IGLL1: variants seen among roughly 807,000 people sequenced by gnomAD.
IGLL1 encodes the protein immunoglobulin lambda-like polypeptide 1.
In IGLL1, 10 loss-of-function variants were observed where a neutral mutation model predicts 10.5. The observed-to-expected ratio is 0.95, with a 90% confidence interval of 0.59 to 1.62. The LOEUF is 1.62. Ranked by LOEUF, IGLL1 falls within the 40% of genes most tolerant of loss-of-function variation. The pLI is 0.00. For missense variants in IGLL1, 284 were observed against 278.7 expected (o/e 1.02, Z -0.14); for synonymous variants, 141 against 122.7 (o/e 1.15, Z -0.99).
At chr22:23,579,317 C>T (rs1199779947) in intron 1 of IGLL1, among the ~76,000 whole-genome samples, 7 of 152,148 alleles carry the variant, frequency 4.6e-5, no homozygotes, top group Non-Finnish European at 1.0e-4. Context: ...CTGGGGACCT[C>T]CCACCACACG....
At position 23,573,543 on chromosome 22, in the gene IGLL1, G is replaced by A; in HGVS notation, c.365C>T (p.Ser122Phe). 1.9e-6 allele frequency: 3 copies of A among 1,613,948 alleles called. No individual in the cohort carries two copies. The highest frequency in any genetic ancestry group is 1.7e-4 in the Middle Eastern group (1 of 6,052). The stretch of plus-strand genomic sequence containing the variant: ...CTTGTTGGCTTGGAGCTCCTCAGAG[G>A]ACGGCGGGAACAGAGTGACCGAGGG... ...ATPSVTLFPP[S>F]SEELQANKAT... The change falls in exon 3 of 3, where the codon TCC becomes TTC. Residue 122 changes from serine to phenylalanine, a missense_variant. Coordinates refer to ENST00000330377, the MANE Select transcript of IGLL1 (RefSeq NM_020070.4).
At position 23,573,476 on chromosome 22, in the gene IGLL1, G is replaced by C; in HGVS notation, c.432C>G (p.Ile144Met). ...VCLMNDFYPG[I>M]LTVTWKADGT... is the part of the protein sequence containing the mutation. The stretch of plus-strand genomic sequence containing the variant: ...CATCTGCCTTCCAGGTCACCGTCAA[G>C]ATTCCCGGATAAAAGTCATTCATGA... Residue 144 changes from isoleucine (I) to methionine (M), a missense_variant, in exon 3 of 3, where the codon ATC becomes ATG. Transcript: ENST00000330377. 1.9e-6 allele frequency: 3 copies of C among 1,613,954 alleles called. No individual in the cohort carries two copies. The highest frequency in any genetic ancestry group is 2.5e-6 in the Non-Finnish European group (3 of 1,179,838).
intron 2 of IGLL1, among the ~76,000 whole-genome samples, chr22:23,574,704 G>A (rs1359811222): frequency 6.6e-6 from 1 of 152,136 alleles, no homozygotes; most frequent in Non-Finnish European, 1.5e-5. Context: ...GAGAGGGGAG[G>A]AGCCCTGACC....
intron 1 of IGLL1, among the ~76,000 whole-genome samples, chr22:23,579,651 G>A (rs115163180): frequency 0.014 from 2,203 of 151,996 alleles, 18 homozygotes; most frequent in African/African-American, 0.023. Context: ...CAGGGATAGC[G>A]GCCACCACTC....
intron 1 of IGLL1, 128 bp downstream of exon 1, chr22:23,579,857 T>C (rs2123705234): frequency 1.5e-6 from 1 of 666,776 alleles, no homozygotes; most frequent in East Asian, 2.8e-5. Context: ...TTAGTTAAAG[T>C]CAGTGTCTGT....
At chr22:23,579,288 C>T (rs774921007) in intron 1 of IGLL1, among the ~76,000 whole-genome samples, 2 of 152,114 alleles carry the variant, frequency 1.3e-5, no homozygotes, top group Non-Finnish European at 2.9e-5. Flanking sequence ...TAAATGGACC[C>T]CGATGCTTGG....
rs1924866542 is a variant in IGLL1 at position 23,573,285 on chromosome 22, G to A, written c.623C>T (p.Ala208Val). The change falls in exon 3 of 3, where the codon GCC (alanine) becomes GTC (valine). Residue 208 changes from alanine (A) to valine (V), a missense_variant. By Grantham distance (64) the Ala-to-Val change is moderately conservative (BLOSUM62 0). Transcript: ENST00000330377. ...GGGAACCTATGAACATTCTGCAGGG[G>A]CCACCGTCTTCTCCACGGTGCTCCC... ...HEGSTVEKTV[A>V]PAECS 16 of 1,614,026 alleles carry A rather than the reference G, an allele frequency of 9.9e-6. No homozygotes were observed. The highest frequency in any genetic ancestry group is 8.5e-6 in the Non-Finnish European group (10 of 1,179,964).
At chr22:23,576,082 T>C (rs1370012103) in intron 1 of IGLL1, among the ~76,000 whole-genome samples, 1 of 152,086 alleles carries the variant, frequency 6.6e-6, no homozygotes, top group Non-Finnish European at 1.5e-5. Flanking sequence ...CCCAGTGGGC[T>C]ACCCAACAGG....
chr22:23,573,648 C>T, intron 2 of IGLL1, 63 bp from the exon 3 acceptor site: 1 of 1,309,886 alleles, frequency 7.6e-7, no homozygotes, highest in South Asian at 1.2e-5. Flanking sequence ...TGGAGCGCCT[C>T]TCTCTGTCTA....
In IGLL1 at chr22:23,574,081, C is replaced by T. The variant is rs372598519; in HGVS notation, c.323-496G>A. Among the ~76,000 whole-genome samples, 24 of 151,222 alleles carry T rather than the reference C, an allele frequency of 1.6e-4. No homozygotes were observed. In the East Asian group the frequency reaches 2.5e-3, roughly 16 times the overall value. On this transcript the variant is annotated intron_variant, in intron 2 of 2. Coordinates refer to ENST00000330377, the MANE Select transcript of IGLL1 (RefSeq NM_020070.4). ...ACCCAGACACACCCTGGGGCTCTGC[C>T]GTCGCCCCTGTCCCCACCAGCCCGA...
At chr22:23,576,600 T>G (rs1252047606) in intron 1 of IGLL1, among the ~76,000 whole-genome samples, 3 of 152,010 alleles carry the variant, frequency 2.0e-5, no homozygotes, top group Non-Finnish European at 4.4e-5. Flanking sequence ...TTGGCTAATT[T>G]TTTGTATTTT....
intron 1 of IGLL1, among the ~76,000 whole-genome samples, chr22:23,576,320 C>T (rs530757745): frequency 1.4e-5 from 2 of 140,952 alleles, no homozygotes; most frequent in Admixed American, 7.1e-5. Context: ...GCTCTGTTGC[C>T]CAGGCTGGAG....
intron 1 of IGLL1, 119 bp downstream of exon 1, chr22:23,579,866 G>C: frequency 6.8e-6 from 5 of 735,962 alleles, no homozygotes; most frequent in Non-Finnish European, 1.1e-5. Flanking sequence ...GTCAGTGTCT[G>C]TGGCTCCCCT....
Position 23,573,555 on chromosome 22 carries a change from A to G in IGLL1, c.353T>C (p.Leu118Pro). 1.2e-6 allele frequency: 2 copies of G among 1,613,928 alleles called. No homozygotes were observed. The highest frequency in any genetic ancestry group is 8.5e-7 in the Non-Finnish European group (1 of 1,179,830). The change falls in exon 3 of 3, where the codon CTG becomes CCG. Residue 118 changes from leucine to proline, a missense_variant. Physicochemically the swap from Leu to Pro is moderately conservative, Grantham distance 98. Coordinates refer to ENST00000330377, the MANE Select transcript of IGLL1 (RefSeq NM_020070.4). ...GAGCTCCTCAGAGGACGGCGGGAAC[A>G]GAGTGACCGAGGGGGTGGCCTTGGG... ...SQPKATPSVT[L>P]FPPSSEELQA...
intron 1 of IGLL1, among the ~76,000 whole-genome samples, chr22:23,575,318 G>A (rs1341246367): frequency 6.6e-6 from 1 of 152,160 alleles, no homozygotes; most frequent in Non-Finnish European, 1.5e-5. Context: ...TCAGGCAGCT[G>A]TGCCGTGTGG....
intron 1 of IGLL1, among the ~76,000 whole-genome samples, chr22:23,576,498 T>C (rs1342282119): frequency 6.6e-6 from 1 of 152,088 alleles, no homozygotes; most frequent in Non-Finnish European, 1.5e-5. Flanking sequence ...TGGTGCCACC[T>C]TGGCTCACCG....
At position 23,573,444 on chromosome 22, in the gene IGLL1, G is replaced by A. The variant is rs145176864; in HGVS notation, c.464C>T (p.Pro155Leu). ...LTVTWKADGT[P>L]ITQGVEMTTP... The stretch of plus-strand genomic sequence containing the variant: ...GGTCATCTCCACGCCCTGGGTGATG[G>A]GGGTACCATCTGCCTTCCAGGTCAC... Residue 155 changes from proline to leucine, a missense_variant, in exon 3 of 3, where the codon CCC becomes CTC. Pro to Leu is a moderately conservative substitution (Grantham distance 98, BLOSUM62 -3). Transcript: ENST00000330377. 20,440 of 1,613,066 alleles carry A rather than the reference G, an allele frequency of 0.013. 228 individuals are homozygous for A. Among genetic ancestry groups the A allele is most frequent in the African/African-American group, 0.05 (3,773 of 74,874 alleles).
In IGLL1 at chr22:23,573,473, C is replaced by T. The variant is rs1924892329; in HGVS notation, c.435G>A (p.Leu145=). The T allele has an allele frequency of 6.2e-7, 1 of 1,613,952 alleles. No homozygotes were observed. The highest frequency in any genetic ancestry group is 8.5e-7 in the Non-Finnish European group (1 of 1,179,852). Residue 145 remains leucine, a synonymous_variant, in exon 3 of 3, where the codon TTG becomes TTA. Coordinates refer to ENST00000330377, the MANE Select transcript of IGLL1 (RefSeq NM_020070.4). ...TACCATCTGCCTTCCAGGTCACCGT[C>T]AAGATTCCCGGATAAAAGTCATTCA... ...CLMNDFYPGI[L]TVTWKADGTP...
intron 1 of IGLL1, among the ~76,000 whole-genome samples, chr22:23,577,779 C>T (rs978083012): frequency 1.3e-5 from 2 of 151,994 alleles, no homozygotes; most frequent in African/African-American, 2.4e-5. Flanking sequence ...CAAACAATCC[C>T]GCCTCAGCCT....
Sources: gnomAD v4.1 joint callset for allele counts (sites outside exome capture counted in the v4.1 genomes callset) on GRCh38, gnomAD v4.1.1 for gene constraint, MANE v1.5 for transcripts, NCBI Gene and HGNC (gene_info 2026-07-23, HGNC 2026-07-21) for gene names.